Variants in JAM2 observed in about 807,000 individuals in gnomAD.
JAM2 encodes junctional adhesion molecule 2.
Under a neutral mutation model 42.0 loss-of-function variants are expected in JAM2, and 17 were observed. The observed-to-expected ratio is 0.40, with a 90% CI of 0.28 to 0.61. JAM2 has a LOEUF of 0.61. JAM2 is among the 20% of genes least tolerant of loss of function. The pLI, the probability that JAM2 is intolerant of heterozygous loss-of-function variation, is 0.37. For missense variants in JAM2, 319 were observed against 358.3 expected (o/e 0.89, Z 0.89); for synonymous variants, 118 against 128.6 (o/e 0.92, Z 0.56).
intron 1 of JAM2, among the ~76,000 whole-genome samples, chr21:25,682,775 CT>C (rs1458080706): frequency 2.0e-5 from 3 of 152,072 alleles, no homozygotes; most frequent in Non-Finnish European, 4.4e-5. Context: ...GTGGAGGTAG[CT>C]TTCAGCAGGA....
intron 7 of JAM2, among the ~76,000 whole-genome samples, chr21:25,707,499 A>T (rs887304028): frequency 4.6e-5 from 7 of 152,236 alleles, no homozygotes; most frequent in Non-Finnish European, 1.0e-4. Flanking sequence ...CAACAAAAAA[A>T]GAGAATTGTT....
At chr21:25,650,396 C>G (rs919996734) in intron 1 of JAM2, among the ~76,000 whole-genome samples, 1 of 152,164 alleles carries the variant, frequency 6.6e-6, no homozygotes, top group Non-Finnish European at 1.5e-5. Flanking sequence ...GAGTCATTGT[C>G]TCTGCCAAGA....
chr21:25,663,330 C>T (rs750914776), intron 1 of JAM2, among the ~76,000 whole-genome samples: 13 of 152,092 alleles, frequency 8.5e-5, no homozygotes, highest in Non-Finnish European at 1.6e-4. Flanking sequence ...AGGCTCTAAC[C>T]CATGTAAGAG....
chr21:25,696,254 G>A (rs1388679397), intron 4 of JAM2, among the ~76,000 whole-genome samples: 3 of 152,124 alleles, frequency 2.0e-5, no homozygotes, highest in African/African-American at 4.8e-5. Flanking sequence ...CAGGCGTGGC[G>A]GCGCGCGCCT....
At chr21:25,695,292 TG>T (rs2033978979) in intron 4 of JAM2, among the ~76,000 whole-genome samples, 2 of 152,254 alleles carry the variant, frequency 1.3e-5, no homozygotes, top group Admixed American at 1.3e-4. Flanking sequence ...AGCACGGGGT[TG>T]GGGGTAATGT....
intron 4 of JAM2, among the ~76,000 whole-genome samples, chr21:25,695,666 CG>C (rs1403741513): frequency 1.3e-5 from 2 of 151,284 alleles, no homozygotes; most frequent in African/African-American, 2.4e-5. Flanking sequence ...ACTTCCCAGA[CG>C]GGGCGGGGCG....
intron 4 of JAM2, among the ~76,000 whole-genome samples, chr21:25,696,298 G>T (rs542099304): frequency 6.6e-6 from 1 of 152,286 alleles, no homozygotes; most frequent in South Asian, 2.1e-4. Flanking sequence ...TGAGGCAGGA[G>T]AATCAGGCAG....
chr21:25,694,896 G>C (rs182882966), intron 4 of JAM2, among the ~76,000 whole-genome samples: 3 of 150,758 alleles, frequency 2.0e-5, no homozygotes, highest in African/African-American at 7.3e-5. Flanking sequence ...AGTTTGTGGA[G>C]GAACACGATC....
At chr21:25,693,963 C>G in intron 4 of JAM2, 55 bp downstream of exon 4, 1 of 1,565,628 alleles carries the variant, frequency 6.4e-7, no homozygotes, top group Non-Finnish European at 8.7e-7. Context: ...CACCACCCAG[C>G]CCTGGGGGCA....
chr21:25,654,809 A>G lies in JAM2; in HGVS notation c.67+14921A>G, dbSNP rs756587716. Among the ~76,000 whole-genome samples the G allele has an allele frequency of 4.6e-5, 7 of 152,206 alleles. No homozygotes were observed. In the East Asian group the frequency reaches 1.2e-3, roughly 25 times the overall value. On this transcript the variant is annotated intron_variant, in intron 1 of 9. Transcript: ENST00000480456. ...GATGCACAAATTAAATGACACCACA[A>G]GGTAGCACGTGCATGAACTCAGAAA...
chr21:25,669,737 G>C (rs73161730), intron 1 of JAM2, among the ~76,000 whole-genome samples: 1 of 152,138 alleles, frequency 6.6e-6, no homozygotes, highest in African/African-American at 2.4e-5. Flanking sequence ...TCAAATACTG[G>C]GTTATGACTT....
At chr21:25,658,868 T>C (rs1437822569) in intron 1 of JAM2, among the ~76,000 whole-genome samples, 1 of 152,204 alleles carries the variant, frequency 6.6e-6, no homozygotes, top group Non-Finnish European at 1.5e-5. Context: ...CTTAGAGTAC[T>C]TTTAGGACTT....
rs1468301197 is a variant in JAM2, at chr21:25,693,784, A to C, written c.270A>C (p.Ile90=). The change falls in exon 4 of 10, where the codon ATA becomes ATC. Residue 90 remains isoleucine (I), a synonymous_variant. Transcript: ENST00000480456. ...ATTTTAAAAATCGAGCTGAGATGATAGATTTCAATATCCGGATCAAAAATG... is the reference window on the plus strand; with the variant it reads ...ATTTTAAAAATCGAGCTGAGATGATCGATTTCAATATCCGGATCAAAAATG... ...QGDFKNRAEM[I]DFNIRIKNVT... 2 of 1,614,026 alleles carry C rather than the reference A, an allele frequency of 1.2e-6. No homozygotes were observed. The highest frequency in any genetic ancestry group is 1.7e-6 in the Non-Finnish European group (2 of 1,179,878).
At chr21:25,697,561 G>A (rs920826252) in intron 4 of JAM2, among the ~76,000 whole-genome samples, 1 of 152,074 alleles carries the variant, frequency 6.6e-6, no homozygotes, top group African/African-American at 2.4e-5. Flanking sequence ...AACTTGGCCA[G>A]TTCTAGACAG....
rs554272774 is a variant in JAM2, at chr21:25,666,014, C to T, written c.68-17869C>T. 7.2e-5 allele frequency among the ~76,000 whole-genome samples: 11 copies of T among 151,840 alleles called. No homozygotes were observed. The South Asian group carries it at 1.0e-3, about 14-fold the overall frequency. ...GAGATTGCGCCATTGCACTCCAGCC[C>T]GGGTGATAGAGTGAGACACCATCTC... is the stretch of plus-strand genomic sequence containing the variant. On this transcript the variant is annotated intron_variant, in intron 1 of 9. Transcript: ENST00000480456.
intron 1 of JAM2, among the ~76,000 whole-genome samples, chr21:25,677,577 G>A (rs1203585980): frequency 6.6e-6 from 1 of 152,162 alleles, no homozygotes; most frequent in Non-Finnish European, 1.5e-5. Context: ...ATCTCAGAGT[G>A]TACTAAAGTT....
intron 9 of JAM2, chr21:25,714,423 G>A (rs979225758): frequency 6.1e-5 from 28 of 458,708 alleles, no homozygotes; most frequent in South Asian, 9.1e-5. Flanking sequence ...ACTTGAACCC[G>A]GGAGGCGGAG....
At chr21:25,660,586 C>A (rs2033052975) in intron 1 of JAM2, among the ~76,000 whole-genome samples, 1 of 151,528 alleles carries the variant, frequency 6.6e-6, no homozygotes, top group African/African-American at 2.4e-5. Flanking sequence ...CTGAGTCCCT[C>A]ATTTTTCATA....
chr21:25,702,159 T>C lies in JAM2; in HGVS notation c.598-11T>C. 1 of 1,449,418 alleles carries C rather than the reference T, an allele frequency of 6.9e-7. No homozygotes were observed. The highest frequency in any genetic ancestry group is 1.3e-5 in the South Asian group (1 of 75,650). 89.8% of individuals were successfully genotyped at this position (1,449,418 alleles called of 1,614,324 possible). ...TGGCTTAAAAAAATATATTTTTGCA[T>C]CCACAAATAGCAATTTAATACTGTT... On this transcript the variant is annotated splice_polypyrimidine_tract_variant and intron_variant, in intron 5 of 9. Coordinates refer to ENST00000480456, the MANE Select transcript of JAM2 (RefSeq NM_021219.4).
Sources: gnomAD v4.1 joint callset for allele counts (sites outside exome capture counted in the v4.1 genomes callset) on GRCh38, gnomAD v4.1.1 for gene constraint, MANE v1.5 for transcripts, NCBI Gene and HGNC (gene_info 2026-07-23, HGNC 2026-07-21) for gene names.